SHANK2: variants seen among roughly 807,000 people sequenced by gnomAD.
SHANK2 encodes the protein SH3 and multiple ankyrin repeat domains protein 2.
SHANK2 carries 43 observed loss-of-function variants against 133.7 expected under a neutral mutation model. The observed-to-expected ratio is 0.32, with a 90% CI of 0.25 to 0.41. The LOEUF (loss-of-function observed/expected upper bound fraction) is 0.41, where lower values mean the gene tolerates loss of function less well. Ranked by LOEUF, SHANK2 falls within the 10% of genes least tolerant of loss-of-function variation. The probability of loss-of-function intolerance (pLI) is 1.00; values close to 1 mark genes in which losing one functional copy is unlikely to be tolerated. For synonymous variants in SHANK2, 1,017 were observed against 952.8 expected (o/e 1.07, Z -1.24); for missense variants, 1,994 against 2,235.8 (o/e 0.89, Z 2.18).
chr11:70,477,975 A>C (rs1555150566), intron 25 of SHANK2, among the ~76,000 whole-genome samples: 1 of 151,696 alleles, frequency 6.6e-6, no homozygotes, highest in Non-Finnish European at 1.5e-5. Flanking sequence ...ACATATACAC[A>C]CTCACACCCA....
At chr11:70,585,228 AG>A in intron 17 of SHANK2, among the ~76,000 whole-genome samples, 1 of 152,366 alleles carries the variant, frequency 6.6e-6, no homozygotes, top group Admixed American at 6.5e-5. Context: ...ACTGGCTGGC[AG>A]GGGCTAAAGC....
Position 71,118,879 on chromosome 11 carries a change from G to A in SHANK2, c.361C>T (p.Leu121Phe). 1 of 1,551,754 alleles carries A rather than the reference G, an allele frequency of 6.4e-7. No homozygotes were observed. The highest frequency in any genetic ancestry group is 1.2e-5 in the South Asian group (1 of 84,064). ...RDGKFLDEER[L>F]LREYPQPVGE... is the part of the protein sequence containing the mutation. ...ACGGGCTGTGGGTACTCGCGCAGGA[G>A]CCGCTCCTCATCCAGGAACTTGCCG... is the stretch of plus-strand genomic sequence containing the variant. Residue 121 changes from leucine (L) to phenylalanine (F), a missense_variant, in exon 4 of 26, where the codon CTC becomes TTC. Physicochemically the swap from Leu to Phe is conservative, Grantham distance 22 (BLOSUM62 0). Around this residue, in one of 5 missense-constraint regions of SHANK2, gnomAD observed 653 missense variants for 563.4 expected, o/e 1.16. Coordinates refer to ENST00000601538, the MANE Select transcript of SHANK2 (RefSeq NM_012309.5).
intron 17 of SHANK2, among the ~76,000 whole-genome samples, chr11:70,576,730 C>T (rs1484038049): frequency 3.3e-5 from 5 of 152,224 alleles, no homozygotes; most frequent in Non-Finnish European, 5.9e-5. Context: ...CCAGGGCCTC[C>T]GTTTCCCCAT....
chr11:70,871,464 C>G (rs1291265488), intron 11 of SHANK2, among the ~76,000 whole-genome samples: 1 of 152,220 alleles, frequency 6.6e-6, no homozygotes, highest in African/African-American at 2.4e-5. Context: ...AGCCACATAG[C>G]CTGGCACTGA....
chr11:71,086,018 CAT>C (rs1437982441), intron 8 of SHANK2, among the ~76,000 whole-genome samples: 2 of 74,624 alleles, frequency 2.7e-5, no homozygotes, highest in African/African-American at 1.1e-4. Context: ...TTATATATAA[CAT>C]ATTATATGTT....
chr11:70,594,206 G>A (rs769410203), intron 17 of SHANK2, among the ~76,000 whole-genome samples: 1 of 152,124 alleles, frequency 6.6e-6, no homozygotes, highest in Non-Finnish European at 1.5e-5. Flanking sequence ...GATATGATTC[G>A]GCCACAAAAA....
rs782208566 is a variant in SHANK2, at chr11:70,487,050, G to A, written c.3243C>T (p.Ala1081=). ...SLTVSSPFAA[A]IAGAVRDREK... is the part of the protein sequence containing the mutation. ...CACGGTCGCGGACGGCTCCGGCGAT[G>A]GCGGCGGCAAAGGGGCTGCTGACGG... Residue 1081 remains alanine (A), a synonymous_variant, in exon 25 of 26, where the codon GCC becomes GCT. Coordinates refer to ENST00000601538, the MANE Select transcript of SHANK2 (RefSeq NM_012309.5). This position sits in a 1 kb window ranked among gnomAD's most constrained non-coding sequence, Gnocchi z 5.8. 4 of 1,608,958 alleles carry A rather than the reference G, an allele frequency of 2.5e-6. No homozygotes were observed. The highest frequency in any genetic ancestry group is 2.5e-6 in the Non-Finnish European group (3 of 1,179,662).
chr11:71,166,511 G>A (rs562046810), intron 2 of SHANK2, among the ~76,000 whole-genome samples: 2 of 135,764 alleles, frequency 1.5e-5, no homozygotes, highest in East Asian at 2.1e-4. Context: ...ATGGAGTTTC[G>A]CTCTTGTTGC....
intron 12 of SHANK2, among the ~76,000 whole-genome samples, chr11:70,814,477 T>G (rs1555053850): frequency 6.6e-6 from 1 of 152,220 alleles, no homozygotes; most frequent in Non-Finnish European, 1.5e-5. Context: ...TGGCACTGAC[T>G]TGAAGCCCCT....
intron 2 of SHANK2, among the ~76,000 whole-genome samples, chr11:71,200,787 G>T (rs1954002917): frequency 6.6e-6 from 1 of 151,260 alleles, no homozygotes; most frequent in African/African-American, 2.4e-5. Flanking sequence ...AGATGTGTTT[G>T]TCCTCAGTCA....
chr11:71,085,583 TATATTATATA>T (rs1162261341), intron 8 of SHANK2, among the ~76,000 whole-genome samples: 944 of 37,314 alleles, frequency 0.025, 21 homozygotes, highest in African/African-American at 0.069. Flanking sequence ...TATTATATAA[TATATTATATA>T]ATATATATAT....
At chr11:70,702,310 CAAT>C (rs1212860449) in intron 14 of SHANK2, among the ~76,000 whole-genome samples, 4 of 149,880 alleles carry the variant, frequency 2.7e-5, no homozygotes, top group Non-Finnish European at 4.4e-5. Flanking sequence ...ACCATCATCA[CAAT>C]CACCATCATC....
At chr11:70,704,014 C>T (rs996663428) in intron 14 of SHANK2, among the ~76,000 whole-genome samples, 24 of 152,330 alleles carry the variant, frequency 1.6e-4, no homozygotes, top group African/African-American at 4.8e-4. Flanking sequence ...GGGACCACAG[C>T]GGGGACAATG....
chr11:70,900,371 G>T (rs562983776), intron 10 of SHANK2, among the ~76,000 whole-genome samples: 1 of 151,722 alleles, frequency 6.6e-6, no homozygotes, highest in Admixed American at 6.6e-5. Context: ...AAAAAAGTTT[G>T]CTATGATTAG....
At chr11:70,600,663 G>T (rs61885155) in intron 17 of SHANK2, among the ~76,000 whole-genome samples, 2 of 151,842 alleles carry the variant, frequency 1.3e-5, no homozygotes, top group African/African-American at 2.4e-5. Context: ...GGTTTATGAC[G>T]CCTCCAGCAC....
chr11:71,121,665 C>T (rs1952085828), intron 3 of SHANK2, among the ~76,000 whole-genome samples: 1 of 152,160 alleles, frequency 6.6e-6, no homozygotes, highest in Admixed American at 6.6e-5. Flanking sequence ...AATGGTACTA[C>T]CTAGGTTTTC....
At position 70,548,757 on chromosome 11, in the gene SHANK2, G is replaced by T. The variant is rs949312298; in HGVS notation, c.2062-45826C>A. ...GAGCGTGACCTTATTTGTAAACAGGGTCTTTGTAGATGTAATCAAGTTAAG... is the reference window on the plus strand; with the variant it reads ...GAGCGTGACCTTATTTGTAAACAGGTTCTTTGTAGATGTAATCAAGTTAAG... On this transcript the variant is annotated intron_variant, in intron 17 of 25. Coordinates refer to ENST00000601538, the MANE Select transcript of SHANK2 (RefSeq NM_012309.5). Among the ~76,000 whole-genome samples the T allele has an allele frequency of 9.8e-5, 15 of 152,298 alleles. 1 individual carries two copies. The highest frequency in any genetic ancestry group is 3.4e-3 in the Middle Eastern group (1 of 294).
At chr11:70,905,333 C>T (rs1950085320) in intron 10 of SHANK2, among the ~76,000 whole-genome samples, 1 of 152,226 alleles carries the variant, frequency 6.6e-6, no homozygotes, top group Middle Eastern at 3.2e-3. Flanking sequence ...CCCACCCGCA[C>T]ACCCTTCACT....
rs1555002188 is a variant in SHANK2 at position 70,631,406 on chromosome 11, A to ACACC, written c.2061+28418_2061+28421dup. On this transcript the variant is annotated intron_variant, in intron 17 of 25. Coordinates refer to ENST00000601538, the MANE Select transcript of SHANK2 (RefSeq NM_012309.5). ...CACACACACACACACACACACACAC[A>ACACC]CACCCACACAACCTCCCTCCCACCT... Among the ~76,000 whole-genome samples the ACACC allele has an allele frequency of 3.0e-3, 442 of 149,430 alleles. 3 individuals are homozygous for ACACC. The highest frequency in any genetic ancestry group is 8.8e-3 in the Admixed American group (132 of 14,926).
Sources: allele counts gnomAD v4.1 joint callset (sites outside exome capture counted in the v4.1 genomes callset), GRCh38; gene constraint gnomAD v4.1.1; regional missense constraint gnomAD v4.1.1; non-coding constraint Gnocchi (gnomAD v3.1); transcripts MANE v1.5; gene names NCBI Gene and HGNC (gene_info 2026-07-23, HGNC 2026-07-21).